RIC1: variants seen among roughly 807,000 people sequenced by gnomAD.
RIC1 encodes guanine nucleotide exchange factor subunit RIC1.
A neutral mutation model predicts 169.0 loss-of-function variants in RIC1; 88 were observed. The observed-to-expected ratio is 0.52, with a 90% CI of 0.44 to 0.62. The LOEUF is 0.62. Among genes scored for constraint, RIC1 ranks in the 20% least tolerant of loss-of-function variants. RIC1 has a pLI of 0.00. For missense variants in RIC1, 1,877 were observed against 1,725.5 expected (o/e 1.09, Z -1.56); for synonymous variants, 790 against 601.5 (o/e 1.31, Z -4.59).
intron 2 of RIC1, 54 bp from the exon 3 acceptor site, chr9:5,689,905 G>C (rs746735294): frequency 2.8e-5 from 33 of 1,176,610 alleles, no homozygotes; most frequent in Non-Finnish European, 4.0e-5. Context: ...AAAATTCAGG[G>C]TTACAGTTAT....
chr9:5,638,982 C>G (rs1262857566), intron 1 of RIC1, among the ~76,000 whole-genome samples: 1 of 152,174 alleles, frequency 6.6e-6, no homozygotes, highest in Non-Finnish European at 1.5e-5. Context: ...GTGGTGCAAT[C>G]TCGTCTCACT....
chr9:5,653,908 T>C (rs545501425), intron 1 of RIC1, among the ~76,000 whole-genome samples: 1 of 152,328 alleles, frequency 6.6e-6, no homozygotes, highest in South Asian at 2.1e-4. Context: ...TCTCCATTTA[T>C]TTAGCTCTTC....
chr9:5,757,563 CT>C, intron 17 of RIC1, 112 bp downstream of exon 17: 1 of 1,111,994 alleles, frequency 9.0e-7, no homozygotes, highest in Non-Finnish European at 1.3e-6. Flanking sequence ...TAAAATGTAC[CT>C]TATATGAGAA....
At chr9:5,654,820 A>C (rs565561261) in intron 1 of RIC1, among the ~76,000 whole-genome samples, 1 of 152,098 alleles carries the variant, frequency 6.6e-6, no homozygotes, top group African/African-American at 2.4e-5. Flanking sequence ...TTCAAAGTGT[A>C]GGGATTACAG....
downstream of RIC1, among the ~76,000 whole-genome samples, chr9:5,777,555 T>G (rs1406306275): frequency 6.6e-6 from 1 of 152,148 alleles, no homozygotes; most frequent in Non-Finnish European, 1.5e-5. Context: ...CCAACTTATT[T>G]TTTCTTTGGT....
chr9:5,649,230 A>G (rs895183819), intron 1 of RIC1, among the ~76,000 whole-genome samples: 1 of 152,238 alleles, frequency 6.6e-6, no homozygotes, highest in Non-Finnish European at 1.5e-5. Flanking sequence ...AGAGGAACTT[A>G]GAAAACTGTC....
chr9:5,651,238 A>C (rs1219049886), intron 1 of RIC1, among the ~76,000 whole-genome samples: 1 of 152,134 alleles, frequency 6.6e-6, no homozygotes, highest in African/African-American at 2.4e-5. Flanking sequence ...GATAAAGGCC[A>C]AGCAAACAAC....
intron 10 of RIC1, 71 bp from the exon 11 acceptor site, chr9:5,745,860 A>AT: frequency 7.6e-7 from 1 of 1,311,452 alleles, no homozygotes; most frequent in African/African-American, 1.5e-5. Context: ...AATTTGAATA[A>AT]TTGAAGCTAG....
In RIC1 at chr9:5,773,993, C is replaced by T. The variant is rs1827423628; in HGVS notation, c.4019C>T (p.Pro1340Leu). The T allele has an allele frequency of 6.2e-7, 1 of 1,611,652 alleles. No homozygotes were observed. Among genetic ancestry groups the T allele is most frequent in the African/African-American group, 1.3e-5 (1 of 74,700 alleles). Residue 1340 changes from proline (P) to leucine (L), a missense_variant, in exon 26 of 26, where the codon CCA (proline) becomes CTA (leucine). Around this residue, in one of 3 missense-constraint regions of RIC1, gnomAD observed 681 missense variants for 582.0 expected, o/e 1.17. Transcript: ENST00000414202. ...GYKPFLNIIKPQLQKLSEITE... is the reference protein window; with the variant it reads ...GYKPFLNIIKLQLQKLSEITE... ...AAGCCATTTTTAAACATCATTAAGC[C>T]ACAACTGCAGAAGCTCAGTGAGATA...
chr9:5,743,718 C>G lies in RIC1; in HGVS notation c.1076C>G (p.Pro359Arg), dbSNP rs766196645. ...AYRSDGTKKD[P>R]LKINSMSWGA... ...AGGTCTGATGGCACCAAAAAAGATC[C>G]CCTTAAGATCAACTCTATGGTAAGT... Residue 359 changes from proline (P) to arginine (R), a missense_variant, in exon 10 of 26, where the codon CCC (proline) becomes CGC (arginine). Transcript: ENST00000414202. 6.2e-7 allele frequency: 1 copy of G among 1,609,940 alleles called. No individual in the cohort carries two copies. The highest frequency in any genetic ancestry group is 8.5e-7 in the Non-Finnish European group (1 of 1,177,134).
chr9:5,689,902 A>T, intron 2 of RIC1, 57 bp from the exon 3 acceptor site: 1 of 1,134,062 alleles, frequency 8.8e-7, no homozygotes, highest in Non-Finnish European at 1.3e-6. Context: ...ATTAAAATTC[A>T]GGGTTACAGT....
chr9:5,699,129 A>G (rs1436543768), intron 3 of RIC1, among the ~76,000 whole-genome samples: 1 of 152,232 alleles, frequency 6.6e-6, no homozygotes, highest in Non-Finnish European at 1.5e-5. Context: ...AACTCCTTAC[A>G]TCATATCCTT....
At chr9:5,717,442 A>G (rs765474767) in intron 4 of RIC1, among the ~76,000 whole-genome samples, 2 of 152,164 alleles carry the variant, frequency 1.3e-5, no homozygotes, top group Non-Finnish European at 1.5e-5. Flanking sequence ...GACATTGTCA[A>G]CTTGAAGTAA....
chr9:5,659,552 T>C (rs1487331281), intron 2 of RIC1, among the ~76,000 whole-genome samples: 3 of 152,172 alleles, frequency 2.0e-5, no homozygotes, highest in African/African-American at 7.2e-5. Context: ...GTTTTCTATT[T>C]CTGTAAAAAA....
chr9:5,746,379 C>G (rs1341549598), intron 11 of RIC1, among the ~76,000 whole-genome samples: 2 of 151,936 alleles, frequency 1.3e-5, no homozygotes, highest in Non-Finnish European at 2.9e-5. Context: ...TAGCATTTCC[C>G]AAAGTGTGTT....
In RIC1 at chr9:5,774,140, G is replaced by T. The variant is rs751159023; in HGVS notation, c.4166G>T (p.Gly1389Val). 1.2e-6 allele frequency: 2 copies of T among 1,614,090 alleles called. No homozygotes were observed. Among genetic ancestry groups the T allele is most frequent in the Admixed American group, 1.7e-5 (1 of 60,016 alleles). Reference protein sequence around the residue: ...GSSSHGSIPQGEVGSSNMVSR... With the variant: ...GSSSHGSIPQVEVGSSNMVSR... ...TCCAGCCATGGAAGCATCCCCCAGG[G>T]TGAAGTTGGAAGCAGCAATATGGTC... The change falls in exon 26 of 26, where the codon GGT becomes GTT. Residue 1389 changes from glycine to valine, a missense_variant. Gly to Val is a moderately radical substitution (Grantham distance 109, BLOSUM62 -3). Coordinates refer to ENST00000414202, the MANE Select transcript of RIC1 (RefSeq NM_020829.4).
rs1277018178 is a variant in RIC1 at position 5,678,610 on chromosome 9, A to G, written c.253-11349A>G. 2.0e-5 allele frequency among the ~76,000 whole-genome samples: 3 copies of G among 151,854 alleles called. No homozygotes were observed. The East Asian group carries it at 5.8e-4, about 29-fold the overall frequency. On this transcript the variant is annotated intron_variant, in intron 2 of 25. Coordinates refer to ENST00000414202, the MANE Select transcript of RIC1 (RefSeq NM_020829.4). ...TCTCTGATGGCCAGTGATGATGAGC[A>G]TTTTTTCATGTGTTTTTTGGCTGCA...
chr9:5,683,256 T>A (rs915325313), intron 2 of RIC1, among the ~76,000 whole-genome samples: 3 of 152,178 alleles, frequency 2.0e-5, no homozygotes, highest in Admixed American at 6.5e-5. Context: ...TCTGCTCTGT[T>A]TTTTCCCCGT....
chr9:5,702,526 TTTTGTTTTTGTTTTTG>T lies in RIC1; in HGVS notation c.333-11362_333-11347del, dbSNP rs1346848453. Reference sequence around the variant, plus strand: ...TTTTTTTGTTTTGTTTTGTTTTTGTTTTTGTTTTTGTTTTTGTTTGTTTGTTTGTTTGAGACAGAGT... The same window carrying T: ...TTTTTTTGTTTTGTTTTGTTTTTGTTTTTGTTTGTTTGTTTGAGACAGAGT... On this transcript the variant is annotated intron_variant, in intron 3 of 25. Coordinates refer to ENST00000414202, the MANE Select transcript of RIC1 (RefSeq NM_020829.4). Among the ~76,000 whole-genome samples, 105 of 120,128 alleles carry T rather than the reference TTTTGTTTTTGTTTTTG, an allele frequency of 8.7e-4. 1 individual carries two copies. Among genetic ancestry groups the T allele is most frequent in the African/African-American group, 5.6e-3 (99 of 17,792 alleles). The allele number at this position is 120,128 out of a possible 152,430, so 78.8% of individuals were successfully genotyped here. A position where few individuals can be genotyped will look rare whatever the true frequency, so the allele number is the denominator to read the frequency against.
Sources: allele counts gnomAD v4.1 joint callset (sites outside exome capture counted in the v4.1 genomes callset), GRCh38; gene constraint gnomAD v4.1.1; regional missense constraint gnomAD v4.1.1; transcripts MANE v1.5; gene names NCBI Gene and HGNC (gene_info 2026-07-23, HGNC 2026-07-21).